NETO2: variants seen among roughly 807,000 people sequenced by gnomAD.
NETO2 encodes the protein neuropilin and tolloid-like protein 2.
NETO2 carries 28 observed loss-of-function variants against 62.5 expected under a neutral mutation model. The ratio of observed to expected loss-of-function variants is 0.45; its 90% CI spans 0.33 to 0.61. The LOEUF is 0.61. Ranked by LOEUF, NETO2 falls within the 20% of genes least tolerant of loss-of-function variation. NETO2 has a pLI of 0.02. For synonymous variants in NETO2, 214 were observed against 219.1 expected, an observed-to-expected ratio of 0.98 and a Z score of 0.21; for missense variants, 548 against 643.2, an observed-to-expected ratio of 0.85 and a Z score of 1.60.
intron 2 of NETO2, among the ~76,000 whole-genome samples, chr16:47,131,195 G>A (rs1019054042): frequency 6.6e-6 from 1 of 152,130 alleles, no homozygotes; most frequent in African/African-American, 2.4e-5. Flanking sequence ...TGCTACAAAT[G>A]CAAGGTACGA....
At chr16:47,136,090 TAACAA>T (rs1399013135) in intron 1 of NETO2, among the ~76,000 whole-genome samples, 1 of 152,236 alleles carries the variant, frequency 6.6e-6, no homozygotes, top group Non-Finnish European at 1.5e-5. Context: ...TTTTTGGACT[TAACAA>T]AACGTTTCTG....
At chr16:47,092,604 G>C (rs1963335898) in intron 7 of NETO2, among the ~76,000 whole-genome samples, 3 of 152,148 alleles carry the variant, frequency 2.0e-5, no homozygotes, top group Admixed American at 2.0e-4. Context: ...AAAATAAGAA[G>C]GCTAAAAGCC....
chr16:47,135,244 T>C (rs1022700765), intron 1 of NETO2, among the ~76,000 whole-genome samples: 2 of 152,246 alleles, frequency 1.3e-5, no homozygotes, highest in African/African-American at 2.4e-5. Context: ...TGCAATTATT[T>C]AGCACATGAA....
chr16:47,130,485 C>A (rs1964243653), intron 2 of NETO2, among the ~76,000 whole-genome samples: 1 of 151,400 alleles, frequency 6.6e-6, no homozygotes, highest in African/African-American at 2.4e-5. Flanking sequence ...TGGAGAAAAG[C>A]AACTCTGAGG....
At chr16:47,129,391 C>G (rs779933126) in intron 2 of NETO2, 27 bp from the exon 3 acceptor site, 4 of 1,608,778 alleles carry the variant, frequency 2.5e-6, no homozygotes, top group Admixed American at 3.3e-5. Context: ...ATTTAAAACA[C>G]TCATTACAGC....
At chr16:47,110,807 C>G (rs1375798938) in intron 6 of NETO2, among the ~76,000 whole-genome samples, 3 of 151,362 alleles carry the variant, frequency 2.0e-5, no homozygotes, top group Non-Finnish European at 4.4e-5. Flanking sequence ...CATATATTCC[C>G]CCCCCACCCC....
At chr16:47,118,266 A>T (rs1401306123) in intron 6 of NETO2, among the ~76,000 whole-genome samples, 2 of 152,150 alleles carry the variant, frequency 1.3e-5, no homozygotes, top group Admixed American at 6.5e-5. Flanking sequence ...TGTGTGACAC[A>T]CTCAGGGACT....
In NETO2 at chr16:47,132,301, A is replaced by T. The variant is rs539868718; in HGVS notation, c.35-276T>A. Among the ~76,000 whole-genome samples the T allele has an allele frequency of 6.6e-5, 9 of 136,610 alleles. 1 individual carries two copies. In the South Asian group the frequency reaches 1.4e-3, roughly 21 times the overall value. The allele number at this position is 136,610 out of a possible 152,430, so 89.6% of individuals were successfully genotyped here. On this transcript the variant is annotated intron_variant, in intron 1 of 8. Coordinates refer to ENST00000562435, the MANE Select transcript of NETO2 (RefSeq NM_018092.5). ...ATTTTTCAACTTAATAGTTTTGTTT[A>T]AAAAAAAAAAAACACTTGTTTTTTG...
Position 47,082,179 on chromosome 16 carries a change from T to C in NETO2, c.*1042A>G, listed in dbSNP as rs1478949265. On this transcript the variant is annotated 3_prime_UTR_variant, in exon 9 of 9. Transcript: ENST00000562435. ...GGAAGTTGTTATTCTTGATAAGAGC[T>C]AGAAAAATGTCATGTCCCAGTTAAG... 6.6e-6 allele frequency: 1 copy of C among 152,660 alleles called. No homozygotes were observed. Among genetic ancestry groups the C allele is most frequent in the Non-Finnish European group, 1.5e-5 (1 of 68,024 alleles). The allele number at this position is 152,660 out of a possible 1,614,324, so 9.5% of individuals were successfully genotyped here.
chr16:47,113,156 G>C (rs969349901), intron 6 of NETO2, among the ~76,000 whole-genome samples: 14 of 152,174 alleles, frequency 9.2e-5, no homozygotes, highest in Non-Finnish European at 2.1e-4. Context: ...CTTTACCAGA[G>C]CACATCCGAA....
chr16:47,107,958 T>C (rs562049088), intron 7 of NETO2, among the ~76,000 whole-genome samples: 1 of 152,132 alleles, frequency 6.6e-6, no homozygotes, highest in South Asian at 2.1e-4. Flanking sequence ...GTATTTTTAG[T>C]AGAGATGGGG....
chr16:47,093,160 TC>T (rs1174106335), intron 7 of NETO2, among the ~76,000 whole-genome samples: 1 of 152,220 alleles, frequency 6.6e-6, no homozygotes, highest in African/African-American at 2.4e-5. Flanking sequence ...TTGATTTTTT[TC>T]AAAGGGCTTC....
Position 47,143,696 on chromosome 16 carries a change from G to C in NETO2, c.-84C>G. On this transcript the variant is annotated 5_prime_UTR_variant, in exon 1 of 9. Transcript: ENST00000562435. ...GCTCACGGCTCGGCGCGGCGGCGAC[G>C]GCCCCACTCCGTCCCCATCGCCGGC... 3 of 1,210,620 alleles carry C rather than the reference G, an allele frequency of 2.5e-6. No homozygotes were observed. The highest frequency in any genetic ancestry group is 3.1e-6 in the Non-Finnish European group (3 of 973,350). 75.0% of individuals were successfully genotyped at this position (1,210,620 alleles called of 1,614,324 possible).
chr16:47,114,672 G>A (rs1366270652), intron 6 of NETO2, among the ~76,000 whole-genome samples: 2 of 151,176 alleles, frequency 1.3e-5, no homozygotes, highest in Non-Finnish European at 3.0e-5. Flanking sequence ...GGATGGCCTC[G>A]ATTTCCCGAC....
chr16:47,109,209 T>C (rs1360376352), intron 7 of NETO2, among the ~76,000 whole-genome samples: 1 of 152,156 alleles, frequency 6.6e-6, no homozygotes, highest in African/African-American at 2.4e-5. Flanking sequence ...GCCGTGTGCC[T>C]GCAGTCTCAG....
chr16:47,103,772 G>GA (rs1256493681), intron 7 of NETO2, among the ~76,000 whole-genome samples: 1 of 151,656 alleles, frequency 6.6e-6, no homozygotes, highest in Non-Finnish European at 1.5e-5. Context: ...TACAGTAAGG[G>GA]AAAAAAACTA....
At chr16:47,143,494 T>C in intron 1 of NETO2, 85 bp downstream of exon 1, 1 of 1,203,670 alleles carries the variant, frequency 8.3e-7, no homozygotes, top group Non-Finnish European at 1.0e-6. Context: ...CGGGCGCGGG[T>C]AAGGGACGCA....
intron 6 of NETO2, among the ~76,000 whole-genome samples, chr16:47,120,271 T>C (rs1254802735): frequency 6.6e-6 from 1 of 152,230 alleles, no homozygotes; most frequent in Non-Finnish European, 1.5e-5. Flanking sequence ...AATTTTCCTG[T>C]AATTATCCCA....
intron 1 of NETO2, among the ~76,000 whole-genome samples, chr16:47,134,480 G>A (rs949973614): frequency 1.3e-5 from 2 of 152,134 alleles, no homozygotes; most frequent in African/African-American, 4.8e-5. Flanking sequence ...GAAAAGTCAG[G>A]TAATAGTAGG....
Sources: allele counts gnomAD v4.1 joint callset (sites outside exome capture counted in the v4.1 genomes callset), GRCh38; gene constraint gnomAD v4.1.1; transcripts MANE v1.5; gene names NCBI Gene and HGNC (gene_info 2026-07-23, HGNC 2026-07-21).